Variants in LINGO2 observed in about 807,000 individuals in gnomAD.
The protein encoded by LINGO2 is leucine-rich repeat and immunoglobulin-like domain-containing nogo receptor-interacting protein 2.
A neutral mutation model predicts 30.6 loss-of-function variants in LINGO2; 14 were observed. That is an observed-to-expected ratio of 0.46 (90% confidence interval 0.30 to 0.72). The LOEUF is 0.72. LINGO2 is among the 30% of genes least tolerant of loss of function. The pLI is 0.07. For synonymous variants in LINGO2, 317 were observed against 288.5 expected (o/e 1.10, Z -1.00); for missense variants, 729 against 751.7 (o/e 0.97, Z 0.35).
intron 3 of LINGO2, among the ~76,000 whole-genome samples, chr9:28,308,454 G>T (rs1345371541): frequency 6.9e-6 from 1 of 145,254 alleles, no homozygotes; most frequent in Non-Finnish European, 1.5e-5. Flanking sequence ...AGACTTAAAT[G>T]TTAGACCTAA....
chr9:28,638,584 T>C (rs1415786017), intron 1 of LINGO2, among the ~76,000 whole-genome samples: 1 of 152,208 alleles, frequency 6.6e-6, no homozygotes, highest in Non-Finnish European at 1.5e-5. Flanking sequence ...CCATTTCTTC[T>C]AGCTTTTCTA....
chr9:28,820,207 A>G, the LINGO2 span, among the ~76,000 whole-genome samples: 1 of 151,288 alleles, frequency 6.6e-6, no homozygotes, highest in Non-Finnish European at 1.5e-5. Context: ...TACTGGAATG[A>G]GAGTTTCCTA....
chr9:28,809,584 A>C, the LINGO2 span, among the ~76,000 whole-genome samples: 1 of 151,978 alleles, frequency 6.6e-6, no homozygotes, highest in Non-Finnish European at 1.5e-5. Context: ...TCTCTACTAA[A>C]AATACAACAA....
the LINGO2 span, among the ~76,000 whole-genome samples, chr9:28,985,632 C>CAT: frequency 6.6e-6 from 1 of 152,146 alleles, no homozygotes; most frequent in Admixed American, 6.6e-5. Flanking sequence ...AGCATTTTCT[C>CAT]ATATATATGT....
intron 4 of LINGO2, among the ~76,000 whole-genome samples, chr9:28,100,081 A>G (rs1174356443): frequency 6.6e-6 from 1 of 152,202 alleles, no homozygotes; most frequent in African/African-American, 2.4e-5. Flanking sequence ...TTTGTTTCAA[A>G]TCTGTTTTCC....
chr9:28,283,432 T>A (rs1169209384), intron 4 of LINGO2, among the ~76,000 whole-genome samples: 1 of 152,188 alleles, frequency 6.6e-6, no homozygotes, highest in African/African-American at 2.4e-5. Flanking sequence ...TAAGCTGCTT[T>A]CAAATTCATG....
intron 4 of LINGO2, among the ~76,000 whole-genome samples, chr9:28,156,401 G>A (rs541220367): frequency 6.6e-6 from 1 of 152,294 alleles, no homozygotes; most frequent in East Asian, 1.9e-4. Context: ...AGGCAGTGTG[G>A]TAGACATTTT....
At chr9:29,100,861 GC>G in the LINGO2 span, among the ~76,000 whole-genome samples, 1 of 152,148 alleles carries the variant, frequency 6.6e-6, no homozygotes, top group African/African-American at 2.4e-5. Context: ...TAGGTAGCTA[GC>G]TATAACATGT....
At chr9:28,877,680 T>C in the LINGO2 span, among the ~76,000 whole-genome samples, 1 of 152,166 alleles carries the variant, frequency 6.6e-6, no homozygotes, top group African/African-American at 2.4e-5. Flanking sequence ...TGAAGTCAGG[T>C]AGCGTGATGC....
chr9:28,467,045 G>GGA (rs1013715393), intron 2 of LINGO2, among the ~76,000 whole-genome samples: 1 of 149,980 alleles, frequency 6.7e-6, no homozygotes, highest in African/African-American at 2.5e-5. Context: ...TGGGGGGGGG[G>GGA]GACGGAGTCT....
the LINGO2 span, among the ~76,000 whole-genome samples, chr9:29,163,527 C>T: frequency 6.6e-6 from 1 of 152,094 alleles, no homozygotes; most frequent in Non-Finnish European, 1.5e-5. Flanking sequence ...CTACTATATC[C>T]TAGGAAAGGT....
At chr9:28,158,906 A>G (rs1370058872) in intron 4 of LINGO2, among the ~76,000 whole-genome samples, 1 of 152,220 alleles carries the variant, frequency 6.6e-6, no homozygotes, top group Admixed American at 6.5e-5. Flanking sequence ...AAAAAGGACT[A>G]TTTTGAAAAA....
the LINGO2 span, among the ~76,000 whole-genome samples, chr9:28,866,539 C>T: frequency 0.011 from 1,684 of 152,212 alleles, 16 homozygotes; most frequent in South Asian, 0.031. Flanking sequence ...AGTTCTAAGG[C>T]TGCAGAGAGG....
chr9:29,072,409 T>C, the LINGO2 span, among the ~76,000 whole-genome samples: 1 of 151,912 alleles, frequency 6.6e-6, no homozygotes, highest in Non-Finnish European at 1.5e-5. Flanking sequence ...TAAATTATGA[T>C]GATGGATGCA....
chr9:28,935,471 G>A, the LINGO2 span, among the ~76,000 whole-genome samples: 22,130 of 151,830 alleles, frequency 0.15, 1,695 homozygotes, highest in East Asian at 0.23. Context: ...TAAAAGTTAA[G>A]GCAATGTAAT....
the LINGO2 span, among the ~76,000 whole-genome samples, chr9:28,889,187 T>C: frequency 6.6e-6 from 1 of 152,162 alleles, no homozygotes. Context: ...GTTTTAAAGA[T>C]AGAGTGATAA....
At chr9:28,848,391 GTGTGTGTATATATATATA>G in the LINGO2 span, among the ~76,000 whole-genome samples, 1,445 of 54,998 alleles carry the variant, frequency 0.026, 34 homozygotes, top group African/African-American at 0.08. Flanking sequence ...GTGTGTGTGT[GTGTGTGTATATATATATA>G]TATATATATA....
intron 4 of LINGO2, among the ~76,000 whole-genome samples, chr9:28,238,119 C>A (rs1821645485): frequency 6.6e-6 from 1 of 150,790 alleles, no homozygotes. Context: ...ACTGCAGCAC[C>A]CAGATATATC....
chr9:28,202,311 C>T (rs991643602), intron 4 of LINGO2, among the ~76,000 whole-genome samples: 6 of 152,042 alleles, frequency 3.9e-5, no homozygotes, highest in African/African-American at 1.4e-4. Flanking sequence ...GAAAGTTTGA[C>T]TCCATAGGTC....
Sources: gnomAD v4.1 joint callset for allele counts (sites outside exome capture counted in the v4.1 genomes callset) on GRCh38, gnomAD v4.1.1 for gene constraint, MANE v1.5 for transcripts, NCBI Gene and HGNC (gene_info 2026-07-23, HGNC 2026-07-21) for gene names.